ALG3: variants seen among roughly 807,000 people sequenced by gnomAD.
The protein encoded by ALG3 is dol-P-Man:Man(5)GlcNAc(2)-PP-Dol alpha-1,3-mannosyltransferase.
A neutral mutation model predicts 50.5 loss-of-function variants in ALG3; 39 were observed. That is an observed-to-expected ratio of 0.77 (90% CI 0.60 to 1.01). The LOEUF is 1.01. ALG3 is among the 50% of genes least tolerant of loss of function. The pLI, the probability that ALG3 is intolerant of heterozygous loss-of-function variation, is 0.00. For synonymous variants in ALG3, 252 were observed against 237.2 expected, an observed-to-expected ratio of 1.06 and a Z score of -0.58; for missense variants, 520 against 554.8, an observed-to-expected ratio of 0.94 and a Z score of 0.63.
intron 1 of ALG3, among the ~76,000 whole-genome samples, chr3:184,248,111 C>T (rs966861713): frequency 2.0e-5 from 3 of 151,226 alleles, no homozygotes; most frequent in African/African-American, 7.3e-5. Context: ...GCCTCGGCCT[C>T]CCAAAGTGCT....
At chr3:184,245,404 G>A in intron 3 of ALG3, 46 bp from the exon 4 acceptor site, 2 of 1,613,446 alleles carry the variant, frequency 1.2e-6, no homozygotes, top group African/African-American at 1.3e-5. Context: ...CAGCAAGCCT[G>A]AGCCATCCCC....
At chr3:184,247,422 C>T (rs1488390297) in intron 1 of ALG3, among the ~76,000 whole-genome samples, 4 of 152,014 alleles carry the variant, frequency 2.6e-5, no homozygotes, top group Admixed American at 6.6e-5. Context: ...CTCAACCTCC[C>T]GAGTAGCTGG....
At chr3:184,249,191 G>C (rs754499018), upstream of ALG3, 13 of 1,607,260 alleles carry the variant, frequency 8.1e-6, no homozygotes, top group South Asian at 1.5e-4. Flanking sequence ...CGCTAATTTA[G>C]AACGAATGTC....
At chr3:184,249,414 G>T, upstream of ALG3, 6 of 1,013,262 alleles carry the variant, frequency 5.9e-6, no homozygotes, top group African/African-American at 1.6e-5. Context: ...CATTCATATT[G>T]AAAATATGAG....
At chr3:184,249,063 C>T, upstream of ALG3, 1 of 1,486,280 alleles carries the variant, frequency 6.7e-7, no homozygotes, top group South Asian at 1.2e-5. Context: ...AGCCAGTCTT[C>T]ATTTACTCCA....
At chr3:184,246,535 G>T (rs1317513103) in intron 1 of ALG3, among the ~76,000 whole-genome samples, 2 of 152,162 alleles carry the variant, frequency 1.3e-5, no homozygotes, top group African/African-American at 4.8e-5. Flanking sequence ...TAATTATCAT[G>T]CTATCTTCTT....
At chr3:184,248,703 A>G (rs1260148212) in intron 1 of ALG3, 42 bp downstream of exon 1, 3 of 1,473,246 alleles carry the variant, frequency 2.0e-6, no homozygotes, top group African/African-American at 1.4e-5. Flanking sequence ...TCGCGGGTTC[A>G]GGTCTCCCTC....
At chr3:184,249,166 C>T, upstream of ALG3, 1 of 1,572,912 alleles carries the variant, frequency 6.4e-7, no homozygotes. Context: ...TTATACCCAG[C>T]CCTGGGTACA....
chr3:184,244,359 C>A, intron 5 of ALG3: 1 of 555,186 alleles, frequency 1.8e-6, no homozygotes, highest in Non-Finnish European at 3.1e-6. Context: ...GCCTGGGCAA[C>A]CCAGCAAGAG....
chr3:184,246,811 G>A (rs1452446829), intron 1 of ALG3, among the ~76,000 whole-genome samples: 2 of 151,870 alleles, frequency 1.3e-5, no homozygotes, highest in African/African-American at 4.8e-5. Flanking sequence ...CGAGTAGCTG[G>A]GACTACAGGT....
intron 1 of ALG3, 44 bp downstream of exon 1, chr3:184,248,701 T>G: frequency 6.8e-7 from 1 of 1,479,020 alleles, no homozygotes; most frequent in Non-Finnish European, 9.1e-7. Flanking sequence ...GGTCGCGGGT[T>G]CAGGTCTCCC....
chr3:184,249,443 C>G (rs1374595899), upstream of ALG3: 4 of 827,074 alleles, frequency 4.8e-6, no homozygotes, highest in East Asian at 8.0e-5. Flanking sequence ...GTGATGAGCC[C>G]ACGTGAGTCT....
intron 4 of ALG3, 153 bp from the exon 5 acceptor site, chr3:184,244,874 A>T: frequency 1.7e-6 from 2 of 1,154,550 alleles, no homozygotes; most frequent in Non-Finnish European, 2.4e-6. Flanking sequence ...CAACTGTTGG[A>T]GGGAAGAGCC....
chr3:184,245,014 G>C (rs1560163870), intron 4 of ALG3, 184 bp downstream of exon 4: 2 of 846,624 alleles, frequency 2.4e-6, no homozygotes, highest in Non-Finnish European at 3.8e-6. Flanking sequence ...AGGATGGAAA[G>C]AGGGCATGTG....
At position 184,244,705 on chromosome 3, in the gene ALG3, TCA is replaced by T; in HGVS notation, c.620_621del (p.Val207GlufsTer56). ...GCCFFSLAVSVKMNVLLFAPG... is the reference protein window; with the variant it reads ...GCCFFSLAVSXKMNVLLFAPG... ...GGGGCGAAGAGCAGCACATTCATCTTCACAGAGACTGCCAGGCTGGGGTGAGC... is the reference window on the plus strand; with the variant it reads ...GGGGCGAAGAGCAGCACATTCATCTTCAGAGACTGCCAGGCTGGGGTGAGC... On this transcript the variant is annotated frameshift_variant, in exon 5 of 9. Transcript: ENST00000397676. LOFTEE classifies it high-confidence loss of function. 1 of 1,609,874 alleles carries T rather than the reference TCA, an allele frequency of 6.2e-7. No individual in the cohort carries two copies.
chr3:184,249,481 G>A, upstream of ALG3: 1 of 746,982 alleles, frequency 1.3e-6, no homozygotes, highest in Non-Finnish European at 2.1e-6. Context: ...CCTAGGAAAT[G>A]ACTTGGCAGT....
At position 184,243,458 on chromosome 3, in the gene ALG3, C is replaced by T; in HGVS notation, c.1009+96G>A. Reference sequence around the variant, plus strand: ...GACTTCTATGATTGGGGTCCCCTTTCCTCGCCCAGGTCACCAGCTGTCAAG... The same window carrying T: ...GACTTCTATGATTGGGGTCCCCTTTTCTCGCCCAGGTCACCAGCTGTCAAG... On this transcript the variant is annotated intron_variant, in intron 7 of 8. Transcript: ENST00000397676. The T allele has an allele frequency of 4.2e-6, 5 of 1,185,210 alleles. No homozygotes were observed. In the South Asian group the frequency reaches 5.1e-5, roughly 12 times the overall value. 73.4% of individuals were successfully genotyped at this position (1,185,210 alleles called of 1,614,324 possible).
Position 184,248,925 on chromosome 3 carries a change from G to T in ALG3, c.16C>A (p.Arg6=), listed in dbSNP as rs199587005. The change falls in exon 1 of 9, where the codon CGG becomes AGG. Residue 6 remains arginine, a synonymous_variant. Transcript: ENST00000397676. The part of the protein sequence containing the change: MAAGL[R]KRGRSGSAAQ... ...GCGGAACCGGACCGGCCGCGTTTCC[G>T]CAGCCCAGCCGCCATCTTAACGGTG... is the stretch of plus-strand genomic sequence containing the variant. 6.4e-5 allele frequency: 101 copies of T among 1,585,334 alleles called. No individual in the cohort carries two copies. In the African/African-American group the frequency reaches 1.2e-3, roughly 18 times the overall value.
rs1272083848 is a variant in ALG3 at position 184,242,353 on chromosome 3, G to A, written c.*161C>T. The A allele has an allele frequency of 2.2e-6, 2 of 916,778 alleles. No individual in the cohort carries two copies. The highest frequency in any genetic ancestry group is 3.5e-6 in the Non-Finnish European group (2 of 575,460). 56.8% of individuals were successfully genotyped at this position (916,778 alleles called of 1,614,324 possible). ...GACTGCTTGAGTGAATTCTTTATCT[G>A]CTCCATACGTGTCCCTCACAGCCTG... On this transcript the variant is annotated 3_prime_UTR_variant, in exon 9 of 9. Coordinates refer to ENST00000397676, the MANE Select transcript of ALG3 (RefSeq NM_005787.6).
Sources: allele counts gnomAD v4.1 joint callset (sites outside exome capture counted in the v4.1 genomes callset), GRCh38; gene constraint gnomAD v4.1.1; transcripts MANE v1.5; gene names NCBI Gene and HGNC (gene_info 2026-07-23, HGNC 2026-07-21).